ZNF566: variants seen among roughly 807,000 people sequenced by gnomAD.
ZNF566 encodes the protein zinc finger protein 566.
A neutral mutation model predicts 32.8 loss-of-function variants in ZNF566; 27 were observed. That is an observed-to-expected ratio of 0.82 (90% CI 0.61 to 1.14). ZNF566 has a LOEUF of 1.14. Ranked by LOEUF, ZNF566 falls within the 50% of genes most tolerant of loss-of-function variation. The probability of loss-of-function intolerance (pLI) is 0.00; values close to 1 mark genes in which losing one functional copy is unlikely to be tolerated. For missense variants in ZNF566, 402 were observed against 490.4 expected, an observed-to-expected ratio of 0.82 and a Z score of 1.70; for synonymous variants, 154 against 159.5, an observed-to-expected ratio of 0.97 and a Z score of 0.26.
intron 4 of ZNF566, among the ~76,000 whole-genome samples, chr19:36,468,664 AG>A (rs1268351103): frequency 6.6e-6 from 1 of 151,690 alleles, no homozygotes; most frequent in Non-Finnish European, 1.5e-5. Context: ...CTGTAATCTC[AG>A]CCCTTCTGGA....
At chr19:36,474,678 G>A (rs564232613) in intron 2 of ZNF566, among the ~76,000 whole-genome samples, 5 of 152,214 alleles carry the variant, frequency 3.3e-5, no homozygotes, top group Admixed American at 6.5e-5. Flanking sequence ...AACCAGAATT[G>A]AACTATTTCC....
chr19:36,473,842 T>C (rs529590911), intron 2 of ZNF566, among the ~76,000 whole-genome samples: 1 of 151,922 alleles, frequency 6.6e-6, no homozygotes, highest in Admixed American at 6.6e-5. Context: ...TAGCTGAGAG[T>C]CAAATTTCAG....
At position 36,449,083 on chromosome 19, in the gene ZNF566, C is replaced by T; in HGVS notation, c.1151G>A (p.Ser384Asn). 1 of 1,613,970 alleles carries T rather than the reference C, an allele frequency of 6.2e-7. No individual in the cohort carries two copies. Among genetic ancestry groups the T allele is most frequent in the Non-Finnish European group, 8.5e-7 (1 of 1,179,980 alleles). Residue 384 changes from serine (S) to asparagine (N), a missense_variant, in exon 5 of 5, where the codon AGT (serine) becomes AAT (asparagine). Physicochemically the swap from Ser to Asn is conservative, Grantham distance 46 (BLOSUM62 1). Coordinates refer to ENST00000452939, the MANE Select transcript of ZNF566 (RefSeq NM_001145344.1). ...KAYSQSSQLI[S>N]HHRIHTSEKP... ...CTCACTAGTATGAATTCTATGATGA[C>T]TAATAAGCTGTGAACTCTGAGAATA...
At chr19:36,460,551 T>C (rs2033435727) in intron 4 of ZNF566, among the ~76,000 whole-genome samples, 1 of 151,986 alleles carries the variant, frequency 6.6e-6, no homozygotes, top group Admixed American at 6.5e-5. Flanking sequence ...AAAAAGAACA[T>C]AGCCTCTGGG....
At chr19:36,458,194 A>C (rs1159297350) in intron 4 of ZNF566, among the ~76,000 whole-genome samples, 1 of 152,184 alleles carries the variant, frequency 6.6e-6, no homozygotes, top group African/African-American at 2.4e-5. Flanking sequence ...ATATGGAATC[A>C]ATGGATAAAT....
chr19:36,467,000 T>C (rs1600157158), intron 4 of ZNF566, among the ~76,000 whole-genome samples: 1 of 133,506 alleles, frequency 7.5e-6, no homozygotes, highest in South Asian at 2.4e-4. Context: ...ACCCGGGAGG[T>C]GGAGCTTGCA....
At chr19:36,464,325 A>G (rs1039922980) in intron 4 of ZNF566, among the ~76,000 whole-genome samples, 3 of 152,162 alleles carry the variant, frequency 2.0e-5, no homozygotes, top group African/African-American at 7.2e-5. Context: ...AGAGGGAAAC[A>G]TAATTTTTTT....
rs560803094 is a variant in ZNF566, at chr19:36,467,790, C to CAAAAAAAA, written c.232+5113_232+5120dup. Among the ~76,000 whole-genome samples, 243 of 85,758 alleles carry CAAAAAAAA rather than the reference C, an allele frequency of 2.8e-3. 2 individuals are homozygous for CAAAAAAAA. The highest frequency in any genetic ancestry group is 3.2e-3 in the Non-Finnish European group (151 of 46,786). The allele number at this position is 85,758 out of a possible 152,430, so 56.3% of individuals were successfully genotyped here. ...TGGGTGACAGAGCGAGACTCCATCT[C>CAAAAAAAA]AAAAAAAAAAAAAAAAAAAAAAAAA... On this transcript the variant is annotated intron_variant, in intron 4 of 4. Coordinates refer to ENST00000452939, the MANE Select transcript of ZNF566 (RefSeq NM_001145344.1).
chr19:36,480,347 A>G (rs1468751958), intron 1 of ZNF566, among the ~76,000 whole-genome samples: 2 of 149,308 alleles, frequency 1.3e-5, no homozygotes, highest in African/African-American at 4.9e-5. Context: ...TGCAGTGGCA[A>G]GATCTTGGTT....
chr19:36,447,975 T>G lies in ZNF566; in HGVS notation c.*1002A>C, dbSNP rs930970874. 2.0e-5 allele frequency: 3 copies of G among 152,178 alleles called. No individual in the cohort carries two copies. The highest frequency in any genetic ancestry group is 4.4e-5 in the Non-Finnish European group (3 of 68,020). 9.4% of individuals were successfully genotyped at this position (152,178 alleles called of 1,614,324 possible). A position where few individuals can be genotyped will look rare whatever the true frequency, so the allele number is the denominator to read the frequency against. ...ATTCAGTGAGTATGTATTTATCATGTCAGGCACAATTCTAAGCACTTTATC... is the reference window on the plus strand; with the variant it reads ...ATTCAGTGAGTATGTATTTATCATGGCAGGCACAATTCTAAGCACTTTATC... On this transcript the variant is annotated 3_prime_UTR_variant, in exon 5 of 5. Coordinates refer to ENST00000452939, the MANE Select transcript of ZNF566 (RefSeq NM_001145344.1).
intron 1 of ZNF566, among the ~76,000 whole-genome samples, chr19:36,487,828 C>T (rs530313749): frequency 6.1e-5 from 8 of 130,662 alleles, no homozygotes; most frequent in Non-Finnish European, 1.2e-4. Flanking sequence ...ACCCAGGAGG[C>T]GGAGGTTGCA....
intron 1 of ZNF566, among the ~76,000 whole-genome samples, chr19:36,487,897 CAAAAAAAAAAA>C (rs201784748): frequency 9.3e-5 from 7 of 75,526 alleles, no homozygotes; most frequent in African/African-American, 1.5e-4. Flanking sequence ...GACTCTGTCT[CAAAAAAAAAAA>C]AAAAAAAAAA....
Position 36,488,094 on chromosome 19 carries a change from G to A in ZNF566, c.-60+1392C>T, listed in dbSNP as rs570549545. Among the ~76,000 whole-genome samples, 16 of 152,104 alleles carry A rather than the reference G, an allele frequency of 1.1e-4. No homozygotes were observed. In the East Asian group the frequency reaches 2.7e-3, roughly 26 times the overall value. On this transcript the variant is annotated intron_variant, in intron 1 of 4. Coordinates refer to ENST00000452939, the MANE Select transcript of ZNF566 (RefSeq NM_001145344.1). ...TTTGCACACTTTATATAGGCTCTAT[G>A]TATCTATTGACAGCCTCCTGCTCTG...
intron 4 of ZNF566, among the ~76,000 whole-genome samples, chr19:36,469,114 G>C (rs925607306): frequency 1.3e-5 from 2 of 151,776 alleles, no homozygotes; most frequent in Non-Finnish European, 2.9e-5. Context: ...AAGCAGTCCA[G>C]TATACAAAGA....
intron 1 of ZNF566, among the ~76,000 whole-genome samples, chr19:36,481,480 A>C (rs1023834507): frequency 6.9e-6 from 1 of 144,436 alleles, no homozygotes; most frequent in Non-Finnish European, 1.5e-5. Context: ...CGGGAAAAAA[A>C]AAAAAAAAAA....
intron 1 of ZNF566, among the ~76,000 whole-genome samples, chr19:36,485,150 T>C (rs2034128021): frequency 6.6e-6 from 1 of 151,066 alleles, no homozygotes. Flanking sequence ...AAACGCAAAT[T>C]GAAAGATATT....
chr19:36,470,313 TTGA>T (rs373247083), intron 4 of ZNF566, among the ~76,000 whole-genome samples: 141 of 152,340 alleles, frequency 9.3e-4, no homozygotes, highest in African/African-American at 2.9e-3. Context: ...AAACCCACCC[TTGA>T]TTTTGCAAGC....
chr19:36,463,183 G>A (rs572143406), intron 4 of ZNF566, among the ~76,000 whole-genome samples: 33 of 150,868 alleles, frequency 2.2e-4, no homozygotes, highest in East Asian at 1.4e-3. Context: ...ACATGTCTGC[G>A]GTTTCAGCTA....
chr19:36,476,904 A>G (rs567661457), intron 1 of ZNF566, among the ~76,000 whole-genome samples: 55 of 152,104 alleles, frequency 3.6e-4, no homozygotes, highest in Non-Finnish European at 7.2e-4. Context: ...ACACGTTGCT[A>G]TTTTTACTTT....
Sources: allele counts gnomAD v4.1 joint callset (sites outside exome capture counted in the v4.1 genomes callset), GRCh38; gene constraint gnomAD v4.1.1; transcripts MANE v1.5; gene names NCBI Gene and HGNC (gene_info 2026-07-23, HGNC 2026-07-21).